MIA2: variants seen among roughly 807,000 people sequenced by gnomAD.
MIA2 encodes melanoma inhibitory activity protein 2.
A neutral mutation model predicts 167.8 loss-of-function variants in MIA2; 127 were observed. The ratio of observed to expected loss-of-function variants is 0.76; its 90% CI spans 0.66 to 0.88. The LOEUF (loss-of-function observed/expected upper bound fraction) is 0.88. MIA2 is among the 40% of genes least tolerant of loss of function. MIA2 has a pLI of 0.00. For missense variants in MIA2, 1,690 were observed against 1,624.7 expected, an observed-to-expected ratio of 1.04 and a Z score of -0.69; for synonymous variants, 552 against 541.9, an observed-to-expected ratio of 1.02 and a Z score of -0.26.
intron 6 of MIA2, among the ~76,000 whole-genome samples, chr14:39,256,396 T>C (rs2054817632): frequency 6.6e-6 from 1 of 152,192 alleles, no homozygotes; most frequent in Non-Finnish European, 1.5e-5. Context: ...CTTTTCTTCT[T>C]GTCTAAATAT....
intron 9 of MIA2, among the ~76,000 whole-genome samples, chr14:39,285,076 C>A (rs1180671527): frequency 1.3e-5 from 2 of 152,200 alleles, no homozygotes; most frequent in African/African-American, 2.4e-5. Context: ...GGGGTAAGGT[C>A]ATAGATCAAC....
At chr14:39,327,150 C>A in intron 25 of MIA2, 128 bp downstream of exon 25, 1 of 623,356 alleles carries the variant, frequency 1.6e-6, no homozygotes, top group Non-Finnish European at 2.4e-6. Flanking sequence ...TTTTTGAAAA[C>A]AACAATGATA....
chr14:39,326,568 G>C (rs2067591010), intron 24 of MIA2, among the ~76,000 whole-genome samples: 1 of 150,828 alleles, frequency 6.6e-6, no homozygotes, highest in Non-Finnish European at 1.5e-5. Context: ...TGATATATTA[G>C]TTTAAGCAAC....
intron 23 of MIA2, among the ~76,000 whole-genome samples, chr14:39,384,757 A>G (rs548391172): frequency 2.0e-5 from 3 of 152,262 alleles, no homozygotes; most frequent in East Asian, 3.9e-4. Context: ...TGGAACACCA[A>G]TTCTCCAGAC....
Position 39,246,997 on chromosome 14 carries a change from A to G in MIA2, c.423A>G (p.Ile141Met), listed in dbSNP as rs11845046. ...SELNGDYGEN[I>M]YPYEEDKDEK... ...TAAACGGTGATTATGGTGAAAATAT[A>G]TATCCTTATGAAGAAGATAAAGATG... The change falls in exon 4 of 29, where the codon ATA (isoleucine) becomes ATG (methionine). Residue 141 changes from isoleucine (I) to methionine (M), a missense_variant. By Grantham distance (10) the Ile-to-Met change is conservative. Transcript: ENST00000640607. The G allele has an allele frequency of 0.21, 324,881 of 1,573,500 alleles. 36,202 individuals are homozygous for G. The highest frequency in any genetic ancestry group is 0.49 in the East Asian group (21,710 of 44,598).
At chr14:39,312,766 GAAC>G (rs1846175856) in intron 18 of MIA2, among the ~76,000 whole-genome samples, 1 of 151,954 alleles carries the variant, frequency 6.6e-6, no homozygotes, top group Non-Finnish European at 1.5e-5. Flanking sequence ...AGAAGTCTGA[GAAC>G]AGTTTTTGGC....
intron 13 of MIA2, 93 bp from the exon 14 acceptor site, chr14:39,299,771 T>A: frequency 7.3e-7 from 1 of 1,362,606 alleles, no homozygotes. Flanking sequence ...GGAGCCATGT[T>A]TTTCTTTTTT....
In MIA2 at chr14:39,234,265, T is replaced by A. The variant is rs73275075; in HGVS notation, c.115+36T>A. 3.9e-3 allele frequency: 5,269 copies of A among 1,340,776 alleles called. 178 individuals carry two copies. In the African/African-American group the frequency reaches 0.068, roughly 17 times the overall value. The allele number at this position is 1,340,776 out of a possible 1,614,324, so 83.1% of individuals were successfully genotyped here. On this transcript the variant is annotated intron_variant, in intron 1 of 28. Coordinates refer to ENST00000640607, the MANE Select transcript of MIA2 (RefSeq NM_001329214.4). ...TTCCCCCGCTTCTTCTCCTCCTAAA[T>A]TGAGGCTCTGCAATGACATAAAATC...
At chr14:39,295,682 C>A (rs1024753786) in intron 13 of MIA2, among the ~76,000 whole-genome samples, 77 of 152,258 alleles carry the variant, frequency 5.1e-4, no homozygotes, top group African/African-American at 1.8e-3. Flanking sequence ...GCCTCAGCCT[C>A]CCGAGTAGCT....
intron 4 of MIA2, among the ~76,000 whole-genome samples, chr14:39,248,496 C>CA (rs2054408762): frequency 6.6e-6 from 1 of 151,876 alleles, no homozygotes; most frequent in Admixed American, 6.5e-5. Flanking sequence ...CCTCCACTCC[C>CA]ACTGCTTTCC....
chr14:39,281,634 T>A (rs981249297), intron 9 of MIA2, among the ~76,000 whole-genome samples: 32 of 144,812 alleles, frequency 2.2e-4, no homozygotes, highest in African/African-American at 8.5e-4. Context: ...TTTTTTTTTT[T>A]GGAGACGGAG....
At chr14:39,234,588 ACAT>A (rs965440559) in intron 1 of MIA2, among the ~76,000 whole-genome samples, 1 of 152,034 alleles carries the variant, frequency 6.6e-6, no homozygotes, top group Non-Finnish European at 1.5e-5. Flanking sequence ...ATAAAAAAAG[ACAT>A]CAGGCTAATT....
chr14:39,347,807 T>C (rs367859689), intron 27 of MIA2, 36 bp downstream of exon 27: 5 of 1,356,806 alleles, frequency 3.7e-6, no homozygotes, highest in Non-Finnish European at 5.1e-6. Context: ...ATGCATGTAT[T>C]CAGAAGCCTT....
chr14:39,342,025 A>C (rs945642085), intron 25 of MIA2, among the ~76,000 whole-genome samples: 2 of 152,090 alleles, frequency 1.3e-5, no homozygotes, highest in Non-Finnish European at 2.9e-5. Flanking sequence ...TTAAAAAAAA[A>C]ATTTTATTAT....
chr14:39,375,780 T>C (rs923694547), intron 23 of MIA2, among the ~76,000 whole-genome samples: 8 of 152,320 alleles, frequency 5.3e-5, no homozygotes, highest in East Asian at 3.9e-4. Context: ...TATTTTGTTA[T>C]TGCTTCACTG....
intron 13 of MIA2, among the ~76,000 whole-genome samples, chr14:39,299,184 T>G (rs2061990406): frequency 6.6e-6 from 1 of 151,590 alleles, no homozygotes; most frequent in African/African-American, 2.4e-5. Flanking sequence ...TGTAGTCAAG[T>G]CTACCTTTTA....
chr14:39,350,830 G>A (rs2074311995), downstream of MIA2: 1 of 152,048 alleles, frequency 6.6e-6, no homozygotes, highest in Admixed American at 6.6e-5. Flanking sequence ...GTGGCCCAAA[G>A]CAACAAATTA....
intron 9 of MIA2, among the ~76,000 whole-genome samples, chr14:39,287,605 C>T (rs2060000314): frequency 6.6e-6 from 1 of 151,950 alleles, no homozygotes; most frequent in African/African-American, 2.4e-5. Context: ...TGCTCTTTCA[C>T]TAGGCTGGAA....
chr14:39,386,887 G>T (rs553624295), exon 24 of MIA2: 2 of 814,404 alleles, frequency 2.5e-6, no homozygotes, highest in Non-Finnish European at 4.3e-6. Flanking sequence ...CTCACCAGGC[G>T]CACGCTCTCC....
Sources: gnomAD v4.1 joint callset for allele counts (sites outside exome capture counted in the v4.1 genomes callset) on GRCh38, gnomAD v4.1.1 for gene constraint, MANE v1.5 for transcripts, NCBI Gene and HGNC (gene_info 2026-07-23, HGNC 2026-07-21) for gene names.